Variants in CELF2 observed in about 807,000 individuals in gnomAD.
CELF2 encodes the protein CUG triplet repeat RNA-binding protein 2.
Under a neutral mutation model 62.6 loss-of-function variants are expected in CELF2, and 8 were observed. The ratio of observed to expected loss-of-function variants is 0.13; its 90% CI spans 0.07 to 0.23. CELF2 has a LOEUF of 0.23. CELF2 is among the 10% of genes least tolerant of loss of function. CELF2 has a pLI of 1.00. For missense variants in CELF2, 333 were observed against 671.0 expected (o/e 0.50, Z 5.56); for synonymous variants, 258 against 250.0 (o/e 1.03, Z -0.30).
At chr10:10,657,010 A>G in the CELF2 span, among the ~76,000 whole-genome samples, 1 of 152,178 alleles carries the variant, frequency 6.6e-6, no homozygotes, top group Non-Finnish European at 1.5e-5. Flanking sequence ...ACAAGTGGAA[A>G]CCATTCAAAT....
intron 3 of CELF2, among the ~76,000 whole-genome samples, chr10:11,221,006 G>C (rs1484110015): frequency 6.6e-6 from 1 of 152,232 alleles, no homozygotes; most frequent in South Asian, 2.1e-4. Flanking sequence ...GTGCTTTCAC[G>C]CTTTTCTGCT....
the CELF2 span, among the ~76,000 whole-genome samples, chr10:10,696,321 C>T: frequency 4.6e-5 from 7 of 151,824 alleles, no homozygotes; most frequent in African/African-American, 1.7e-4. Flanking sequence ...GCTCAGGGGT[C>T]AGGGGTCAGG....
chr10:10,530,194 T>C, the CELF2 span, among the ~76,000 whole-genome samples: 3 of 152,122 alleles, frequency 2.0e-5, no homozygotes, highest in Non-Finnish European at 4.4e-5. Context: ...AGCCTCTCCA[T>C]AGACAGAGTA....
the CELF2 span, among the ~76,000 whole-genome samples, chr10:10,549,564 G>A: frequency 5.3e-5 from 8 of 152,178 alleles, no homozygotes; most frequent in Non-Finnish European, 7.4e-5. Context: ...GATTACAGGC[G>A]TGAGCCACTG....
At position 11,098,765 on chromosome 10, in the gene CELF2, GT is replaced by G. The variant is rs1313382860; in HGVS notation, c.75-66720del. On this transcript the variant is annotated intron_variant, in intron 1 of 12. Transcript: ENST00000633077. This position sits in a 1 kb window ranked among gnomAD's most constrained non-coding sequence, Gnocchi z 4.0. ...TGCGGCCACTTTGTCCTTTATCTGT[GT>G]GGTTAATTTCTATGAACTGCTGGAC... 2.0e-5 allele frequency among the ~76,000 whole-genome samples: 3 copies of G among 152,192 alleles called. No homozygotes were observed. Among genetic ancestry groups the G allele is most frequent in the African/African-American group, 7.2e-5 (3 of 41,430 alleles).
intron 11 of CELF2, among the ~76,000 whole-genome samples, chr10:11,322,239 G>A (rs4750043): frequency 0.61 from 92,607 of 152,106 alleles, 29,680 homozygotes; most frequent in Non-Finnish European, 0.72. Context: ...GGTGAATGAT[G>A]AAATCCATGG....
At chr10:10,824,070 A>C (rs1396426922) in intron 1 of CELF2, among the ~76,000 whole-genome samples, 2 of 152,220 alleles carry the variant, frequency 1.3e-5, no homozygotes, top group Non-Finnish European at 2.9e-5. Flanking sequence ...AGATAGAATC[A>C]AAGCTAGCTG....
chr10:11,190,775 TAAAA>T (rs11301213), intron 2 of CELF2, among the ~76,000 whole-genome samples: 12 of 53,984 alleles, frequency 2.2e-4, no homozygotes, highest in South Asian at 1.7e-3. Context: ...CTCTTTTCTT[TAAAA>T]AAAAAAAAAA....
At chr10:10,761,413 A>C in the CELF2 span, among the ~76,000 whole-genome samples, 1 of 152,252 alleles carries the variant, frequency 6.6e-6, no homozygotes, top group Non-Finnish European at 1.5e-5. Context: ...GTAGAGGTGT[A>C]AGTCCATGAA....
intron 1 of CELF2, among the ~76,000 whole-genome samples, chr10:10,801,076 A>T (rs534629987): frequency 0.014 from 372 of 26,016 alleles, 3 homozygotes; most frequent in Middle Eastern, 0.062. Flanking sequence ...ACCCGTTTTT[A>T]AAAAAAAAAC....
chr10:10,773,083 A>G, the CELF2 span, among the ~76,000 whole-genome samples: 30 of 152,250 alleles, frequency 2.0e-4, no homozygotes, highest in African/African-American at 7.0e-4. Context: ...GCATTTCTGC[A>G]GTGAACAGCA....
chr10:10,699,292 A>G, the CELF2 span, among the ~76,000 whole-genome samples: 4 of 152,200 alleles, frequency 2.6e-5, no homozygotes, highest in African/African-American at 9.7e-5. Context: ...TAAAATAACA[A>G]TCATGACAGT....
chr10:10,615,086 C>T, the CELF2 span, among the ~76,000 whole-genome samples: 1 of 152,068 alleles, frequency 6.6e-6, no homozygotes, highest in African/African-American at 2.4e-5. Flanking sequence ...CCAAGGAGGC[C>T]TGTTAAATTC....
intron 1 of CELF2, among the ~76,000 whole-genome samples, chr10:10,916,540 GA>G (rs1375592607): frequency 5.3e-5 from 8 of 152,334 alleles, no homozygotes; most frequent in African/African-American, 1.9e-4. Context: ...TTGAATGTGT[GA>G]TTCACTGAAT....
intron 1 of CELF2, among the ~76,000 whole-genome samples, chr10:11,049,893 G>T (rs11256958): frequency 6.6e-6 from 1 of 152,002 alleles, no homozygotes; most frequent in African/African-American, 2.4e-5. Context: ...CCACTGCGGA[G>T]GACTGGCAGT....
chr10:10,468,215 A>C, the CELF2 span, among the ~76,000 whole-genome samples: 1 of 151,954 alleles, frequency 6.6e-6, no homozygotes, highest in African/African-American at 2.4e-5. Context: ...TTCTCTAAAC[A>C]CTCTTATACA....
chr10:10,740,153 CTT>C, the CELF2 span, among the ~76,000 whole-genome samples: 639 of 94,446 alleles, frequency 6.8e-3, 3 homozygotes, highest in African/African-American at 0.026. Context: ...GTTGCCTGTG[CTT>C]TTTTTTTTTT....
In CELF2 at chr10:11,190,136, T is replaced by C. The variant is rs979366755; in HGVS notation, c.271+24454T>C. ...TCACTTTCTACCTTGTGTTAACTTATTTATGCACATGTCTTATCTCCTCCA... is the reference window on the plus strand; with the variant it reads ...TCACTTTCTACCTTGTGTTAACTTACTTATGCACATGTCTTATCTCCTCCA... On this transcript the variant is annotated intron_variant, in intron 2 of 12. Coordinates refer to ENST00000633077, the MANE Select transcript of CELF2 (RefSeq NM_001326342.2). 7.9e-5 allele frequency among the ~76,000 whole-genome samples: 12 copies of C among 152,360 alleles called. No individual in the cohort carries two copies. The East Asian group carries it at 1.4e-3, about 17-fold the overall frequency.
chr10:10,828,567 A>G (rs1292630375), intron 1 of CELF2, among the ~76,000 whole-genome samples: 2 of 152,190 alleles, frequency 1.3e-5, no homozygotes, highest in African/African-American at 4.8e-5. Context: ...GGATGAAAAG[A>G]GTTCTGAAGA....
Sources: gnomAD v4.1 joint callset for allele counts (sites outside exome capture counted in the v4.1 genomes callset) on GRCh38, gnomAD v4.1.1 for gene constraint, Gnocchi (gnomAD v3.1) non-coding constraint, MANE v1.5 for transcripts, NCBI Gene and HGNC (gene_info 2026-07-23, HGNC 2026-07-21) for gene names.